The following TMEM200A variants were observed in gnomAD, a reference collection of about 807,000 sequenced individuals.
TMEM200A encodes two transmembrane C.
In TMEM200A, 12 loss-of-function variants were observed where a neutral mutation model predicts 24.3. That is an observed-to-expected ratio of 0.49 (90% CI 0.32 to 0.80). The LOEUF is 0.80. TMEM200A is among the 30% of genes least tolerant of loss of function. The pLI is 0.04. For missense variants in TMEM200A, 545 were observed against 614.4 expected, an observed-to-expected ratio of 0.89 and a Z score of 1.19; for synonymous variants, 224 against 224.4, an observed-to-expected ratio of 1.00 and a Z score of 0.02.
chr6:130,419,883 CCAG>C (rs1779542620), intron 2 of TMEM200A, among the ~76,000 whole-genome samples: 1 of 152,186 alleles, frequency 6.6e-6, no homozygotes, highest in African/African-American at 2.4e-5. Context: ...AAGATCAAGG[CCAG>C]CAGTTTCAGT....
At chr6:130,438,529 A>G (rs1372545567) in intron 2 of TMEM200A, 3 of 152,186 alleles carry the variant, frequency 2.0e-5, no homozygotes, top group African/African-American at 7.2e-5. Context: ...CAAGATAGAT[A>G]TTTTACCAAC....
intron 2 of TMEM200A, 31 bp from the exon 3 acceptor site, chr6:130,440,376 T>A: frequency 4.0e-6 from 6 of 1,500,634 alleles, no homozygotes; most frequent in Non-Finnish European, 5.3e-6. Context: ...CATATTTACA[T>A]CATCTTTTTC....
chr6:130,416,786 T>C (rs1289339498), intron 2 of TMEM200A, among the ~76,000 whole-genome samples: 1 of 152,134 alleles, frequency 6.6e-6, no homozygotes, highest in Non-Finnish European at 1.5e-5. Flanking sequence ...CATCATGGTG[T>C]CTCCTAAGAT....
intron 2 of TMEM200A, among the ~76,000 whole-genome samples, chr6:130,387,973 C>T (rs1778747932): frequency 6.6e-6 from 1 of 152,126 alleles, no homozygotes; most frequent in African/African-American, 2.4e-5. Flanking sequence ...CGGTTAGTTT[C>T]TGATTCTCAA....
chr6:130,431,417 A>T (rs990773821), intron 2 of TMEM200A, among the ~76,000 whole-genome samples: 1 of 152,110 alleles, frequency 6.6e-6, no homozygotes, highest in Non-Finnish European at 1.5e-5. Flanking sequence ...GTCTTAGTAA[A>T]TTGGTGACAT....
chr6:130,414,431 C>CA (rs11317905), intron 2 of TMEM200A, among the ~76,000 whole-genome samples: 2,467 of 57,074 alleles, frequency 0.043, 75 homozygotes, highest in African/African-American at 0.069. Flanking sequence ...GACTCCATCT[C>CA]AAAAAAAAAA....
At chr6:130,414,095 C>T (rs1779392987) in intron 2 of TMEM200A, among the ~76,000 whole-genome samples, 1 of 152,012 alleles carries the variant, frequency 6.6e-6, no homozygotes, top group Non-Finnish European at 1.5e-5. Flanking sequence ...TCTCACTGTT[C>T]TCAAAAGTCT....
At chr6:130,390,050 G>T (rs1279781529) in intron 2 of TMEM200A, among the ~76,000 whole-genome samples, 1 of 152,188 alleles carries the variant, frequency 6.6e-6, no homozygotes, top group Non-Finnish European at 1.5e-5. Context: ...TTTCTTAGAT[G>T]TTCTGTTTAA....
intron 1 of TMEM200A, among the ~76,000 whole-genome samples, chr6:130,370,260 TTTTTATAAA>T (rs1778288143): frequency 6.6e-6 from 1 of 152,196 alleles, no homozygotes; most frequent in Non-Finnish European, 1.5e-5. Context: ...CCAGGTCCCA[TTTTTATAAA>T]TCTCCTTGAA....
intron 2 of TMEM200A, among the ~76,000 whole-genome samples, chr6:130,392,496 A>G (rs931269018): frequency 2.0e-5 from 3 of 152,120 alleles, no homozygotes; most frequent in Non-Finnish European, 2.9e-5. Context: ...TACCCAAATC[A>G]TTACAGCAGT....
chr6:130,383,889 G>A (rs573676440), intron 1 of TMEM200A, among the ~76,000 whole-genome samples: 2 of 151,794 alleles, frequency 1.3e-5, no homozygotes, highest in Admixed American at 6.6e-5. Flanking sequence ...AGGCTGAGAC[G>A]GGGGGGATCC....
At chr6:130,375,619 A>G (rs1413714913) in intron 1 of TMEM200A, among the ~76,000 whole-genome samples, 1 of 152,228 alleles carries the variant, frequency 6.6e-6, no homozygotes, top group Non-Finnish European at 1.5e-5. Context: ...TTTAGATCAG[A>G]TGGTCAAGGA....
rs1778153756 is a variant in TMEM200A, at chr6:130,366,577, C to A, written c.-81+53C>A. ...GAGTGGGGAGGTGGGTGGGCGGCCACCGCAGCCGAAACCGGGCACTTCTTC... is the reference window on the plus strand; with the variant it reads ...GAGTGGGGAGGTGGGTGGGCGGCCAACGCAGCCGAAACCGGGCACTTCTTC... On this transcript the variant is annotated intron_variant, in intron 1 of 2. Coordinates refer to ENST00000296978, the MANE Select transcript of TMEM200A (RefSeq NM_001258277.2). This position sits in a 1 kb window ranked among gnomAD's most constrained non-coding sequence, Gnocchi z 4.4. The A allele has an allele frequency of 1.0e-6, 1 of 985,834 alleles. No homozygotes were observed. Among genetic ancestry groups the A allele is most frequent in the Non-Finnish European group, 1.2e-6 (1 of 830,252 alleles). 61.1% of individuals were successfully genotyped at this position (985,834 alleles called of 1,614,324 possible).
chr6:130,409,344 C>G (rs1053423506), intron 2 of TMEM200A, among the ~76,000 whole-genome samples: 1 of 152,126 alleles, frequency 6.6e-6, no homozygotes, highest in African/African-American at 2.4e-5. Flanking sequence ...GCATGCCTCC[C>G]TTTATATGAA....
At chr6:130,420,332 A>G (rs1779552747) in intron 2 of TMEM200A, among the ~76,000 whole-genome samples, 1 of 152,184 alleles carries the variant, frequency 6.6e-6, no homozygotes, top group Admixed American at 6.6e-5. Flanking sequence ...TCACTTACTC[A>G]TGTCCATTGT....
intron 2 of TMEM200A, among the ~76,000 whole-genome samples, chr6:130,420,199 CTT>C (rs1310247968): frequency 6.6e-6 from 1 of 152,154 alleles, no homozygotes; most frequent in East Asian, 1.9e-4. Context: ...TTTAATCTCT[CTT>C]TTATTTCTTT....
At chr6:130,432,070 G>A (rs1779889452) in intron 2 of TMEM200A, among the ~76,000 whole-genome samples, 1 of 152,122 alleles carries the variant, frequency 6.6e-6, no homozygotes, top group African/African-American at 2.4e-5. Flanking sequence ...TAAAATCATA[G>A]CTTAAACTTG....
intron 2 of TMEM200A, among the ~76,000 whole-genome samples, chr6:130,395,546 T>C (rs548336642): frequency 2.0e-5 from 3 of 152,306 alleles, no homozygotes; most frequent in East Asian, 1.9e-4. Context: ...TCGGGTATGG[T>C]TGAGAATCTT....
At chr6:130,420,353 G>C (rs963822369) in intron 2 of TMEM200A, among the ~76,000 whole-genome samples, 5 of 152,142 alleles carry the variant, frequency 3.3e-5, no homozygotes, top group African/African-American at 1.2e-4. Context: ...GATTTGGCCA[G>C]TCCCTCTTCC....
Sources: gnomAD v4.1 joint callset for allele counts (sites outside exome capture counted in the v4.1 genomes callset) on GRCh38, gnomAD v4.1.1 for gene constraint, Gnocchi (gnomAD v3.1) non-coding constraint, MANE v1.5 for transcripts, NCBI Gene and HGNC (gene_info 2026-07-23, HGNC 2026-07-21) for gene names.